The following MYO7A variants were observed in gnomAD, a reference collection of about 807,000 sequenced individuals.
MYO7A encodes unconventional myosin-VIIa.
In MYO7A, 210 loss-of-function variants were observed where a neutral mutation model predicts 263.8. The observed-to-expected ratio is 0.80, with a 90% confidence interval of 0.71 to 0.89. MYO7A has a LOEUF of 0.89. Ranked by LOEUF, MYO7A falls within the 40% of genes least tolerant of loss-of-function variation. The pLI is 0.00. For missense variants in MYO7A, 2,820 were observed against 2,968.3 expected (o/e 0.95, Z 1.16); for synonymous variants, 1,239 against 1,197.3 (o/e 1.03, Z -0.72).
At chr11:77,212,894 C>G (rs902067809) in intron 46 of MYO7A, 58 bp from the exon 47 acceptor site, 2 of 1,350,928 alleles carry the variant, frequency 1.5e-6, no homozygotes, top group Admixed American at 2.0e-5. Context: ...CATTCCTGTC[C>G]CCAAATGCTT....
intron 35 of MYO7A, among the ~76,000 whole-genome samples, chr11:77,200,400 C>A (rs1355342319): frequency 6.6e-6 from 1 of 152,172 alleles, no homozygotes; most frequent in Non-Finnish European, 1.5e-5. Context: ...AGGAAGAGAG[C>A]AGGGGGTGCC....
At chr11:77,188,962 G>A (rs1446348788) in intron 27 of MYO7A, among the ~76,000 whole-genome samples, 4 of 152,124 alleles carry the variant, frequency 2.6e-5, no homozygotes, top group South Asian at 2.1e-4. Context: ...TCAGAGAGGC[G>A]AACTCACCTG....
In MYO7A at chr11:77,174,839, C is replaced by T. The variant is rs782803196; in HGVS notation, c.2019C>T (p.Pro673=). The change falls in exon 17 of 49, where the codon CCC becomes CCT. Residue 673 remains proline (P), a synonymous_variant. Coordinates refer to ENST00000409709, the MANE Select transcript of MYO7A (RefSeq NM_000260.4). ...ETIRIRRAGY[P]IRYSFVEFVE... ...TCCGAATCCGCCGAGCTGGCTACCC[C>T]ATCCGCTACAGCTTCGTAGAGTTTG... 1.2e-5 allele frequency: 20 copies of T among 1,613,694 alleles called. No individual in the cohort carries two copies. In the South Asian group the frequency reaches 1.9e-4, roughly 15 times the overall value.
At chr11:77,143,153 C>T (rs1362391474) in intron 3 of MYO7A, among the ~76,000 whole-genome samples, 6 of 152,186 alleles carry the variant, frequency 3.9e-5, no homozygotes, top group African/African-American at 7.2e-5. Context: ...AGACTGCATT[C>T]AAATCCTATC....
chr11:77,210,523 C>CT (rs1174315781), intron 44 of MYO7A, among the ~76,000 whole-genome samples: 2 of 152,154 alleles, frequency 1.3e-5, no homozygotes, highest in Non-Finnish European at 2.9e-5. Flanking sequence ...ACTCAGATCT[C>CT]TGACTGACAA....
In MYO7A at chr11:77,189,312, A is replaced by C. The variant is rs781964532; in HGVS notation, c.3504-32A>C. 524 of 1,610,800 alleles carry C rather than the reference A, an allele frequency of 3.3e-4. 1 individual carries two copies. Among genetic ancestry groups the C allele is most frequent in the Non-Finnish European group, 2.5e-4 (297 of 1,179,600 alleles). ...GGACCGGGGCTGTTCCTGTGGGGTGATTCCCCCTCCCTTGCCCTGCTGCCT... is the reference window on the plus strand; with the variant it reads ...GGACCGGGGCTGTTCCTGTGGGGTGCTTCCCCCTCCCTTGCCCTGCTGCCT... On this transcript the variant is annotated intron_variant, in intron 27 of 48. Transcript: ENST00000409709.
At chr11:77,158,479 T>G in intron 9 of MYO7A, 49 bp downstream of exon 9, 1 of 1,572,598 alleles carries the variant, frequency 6.4e-7, no homozygotes, top group Non-Finnish European at 8.6e-7. Flanking sequence ...CCAAGGGCAG[T>G]GCAGTGCCTT....
chr11:77,140,669 G>C (rs1380485959), intron 2 of MYO7A, among the ~76,000 whole-genome samples: 1 of 152,222 alleles, frequency 6.6e-6, no homozygotes, highest in Non-Finnish European at 1.5e-5. Context: ...TGGCTGTCAG[G>C]GGTAAGCCCA....
At chr11:77,201,308 CTG>C in intron 35 of MYO7A, 138 bp from the exon 36 acceptor site, 1 of 819,302 alleles carries the variant, frequency 1.2e-6, no homozygotes, top group South Asian at 1.7e-5. Context: ...GTGATGGTCT[CTG>C]TATGGAGAGT....
chr11:77,188,039 C>G (rs1955770317), intron 27 of MYO7A, among the ~76,000 whole-genome samples: 1 of 152,232 alleles, frequency 6.6e-6, no homozygotes, highest in Non-Finnish European at 1.5e-5. Flanking sequence ...TCCAAATTAT[C>G]TCACCATCAT....
chr11:77,190,572 G>A, intron 29 of MYO7A, 125 bp from the exon 30 acceptor site: 1 of 350,596 alleles, frequency 2.9e-6, no homozygotes, highest in Admixed American at 8.1e-5. Flanking sequence ...CAGTGTCCCA[G>A]TGAGGTACTG....
rs553292080 is a variant in MYO7A at position 77,160,417 on chromosome 11, C to T, written c.1200+135C>T. 4.6e-6 allele frequency: 6 copies of T among 1,315,096 alleles called. No homozygotes were observed. In the Admixed American group the frequency reaches 7.2e-5, roughly 16 times the overall value. 81.5% of individuals were successfully genotyped at this position (1,315,096 alleles called of 1,614,324 possible). On this transcript the variant is annotated intron_variant, in intron 11 of 48. Transcript: ENST00000409709. The stretch of plus-strand genomic sequence containing the variant: ...CCCCTGCCTGCCCCGGGGCTGCAGT[C>T]GGCCTTCCTTGAGTCCCAGGTGCCC...
chr11:77,208,596 C>A, intron 43 of MYO7A, 79 bp downstream of exon 43: 1 of 1,515,862 alleles, frequency 6.6e-7, no homozygotes, highest in African/African-American at 1.4e-5. Flanking sequence ...TGAGGCCCAC[C>A]TAGGCGGGCC....
chr11:77,182,247 G>A, intron 24 of MYO7A, 93 bp downstream of exon 24: 1 of 1,522,970 alleles, frequency 6.6e-7, no homozygotes, highest in Non-Finnish European at 8.9e-7. Flanking sequence ...TGATGAGGGT[G>A]GTGGGTCCCT....
Position 77,214,684 on chromosome 11 carries a change from G to A in MYO7A, c.6636G>A (p.Arg2212=), listed in dbSNP as rs1180045912. 4.4e-6 allele frequency: 7 copies of A among 1,578,610 alleles called. No individual in the cohort carries two copies. The highest frequency in any genetic ancestry group is 4.6e-5 in the East Asian group (2 of 43,064). ...LTAMSKQRGS[R]SGK ...CCATGAGCAAACAGCGGGGCTCCAG[G>A]AGCGGCAAGTGAACAGTCACGGGGA... Residue 2212 remains arginine, a synonymous_variant, in exon 49 of 49, where the codon AGG becomes AGA. Transcript: ENST00000409709.
chr11:77,211,867 A>C lies in MYO7A; in HGVS notation c.6284A>C (p.Glu2095Ala), dbSNP rs749476560. 2 of 1,613,982 alleles carry C rather than the reference A, an allele frequency of 1.2e-6. No individual in the cohort carries two copies. Among genetic ancestry groups the C allele is most frequent in the Non-Finnish European group, 1.7e-6 (2 of 1,179,866 alleles). The change falls in exon 46 of 49, where the codon GAG (glutamate) becomes GCG (alanine). Residue 2095 changes from glutamate to alanine, a missense_variant. By Grantham distance (107) the Glu-to-Ala change is moderately radical. Transcript: ENST00000409709. ...FNKHAGKSKEEAKLAFLKLIF... is the reference protein window; with the variant it reads ...FNKHAGKSKEAAKLAFLKLIF... Reference sequence around the variant, plus strand: ...AAGCACGCAGGGAAGTCCAAGGAGGAGGCCAAGCTGGCCTTCCTGAAGCTC... The same window carrying C: ...AAGCACGCAGGGAAGTCCAAGGAGGCGGCCAAGCTGGCCTTCCTGAAGCTC...
Position 77,190,045 on chromosome 11 carries a change from G to A in MYO7A, c.3656G>A (p.Gly1219Asp). Reference sequence around the variant, plus strand: ...TACCTGCGGAACTTCATCCACGGGGGCCCGCCCGGCTACGCCCCGTACTGT... The same window carrying A: ...TACCTGCGGAACTTCATCCACGGGGACCCGCCCGGCTACGCCCCGTACTGT... Reference protein sequence around the residue: ...VKYLRNFIHGGPPGYAPYCEE... With the variant: ...VKYLRNFIHGDPPGYAPYCEE... The change falls in exon 29 of 49, where the codon GGC becomes GAC. Residue 1219 changes from glycine to aspartate, a missense_variant. Transcript: ENST00000409709. 6.4e-7 allele frequency: 1 copy of A among 1,563,602 alleles called. No individual in the cohort carries two copies. The highest frequency in any genetic ancestry group is 1.2e-5 in the South Asian group (1 of 84,836).
chr11:77,193,751 T>C (rs10899358), intron 31 of MYO7A, among the ~76,000 whole-genome samples: 88,409 of 152,064 alleles, frequency 0.58, 26,199 homozygotes, highest in African/African-American at 0.68. Flanking sequence ...CCTGGGGAGC[T>C]CTAGGTAGGC....
At chr11:77,170,442 C>T (rs1189420903) in intron 15 of MYO7A, among the ~76,000 whole-genome samples, 2 of 152,284 alleles carry the variant, frequency 1.3e-5, no homozygotes, top group East Asian at 3.9e-4. Context: ...CTGGGACTAG[C>T]TCCTTTGGGG....
Sources: allele counts gnomAD v4.1 joint callset (sites outside exome capture counted in the v4.1 genomes callset), GRCh38; gene constraint gnomAD v4.1.1; transcripts MANE v1.5; gene names NCBI Gene and HGNC (gene_info 2026-07-23, HGNC 2026-07-21).